Variants in CADM2 observed in about 807,000 individuals in gnomAD.
The protein encoded by CADM2 is cell adhesion molecule 2.
A neutral mutation model predicts 49.8 loss-of-function variants in CADM2; 12 were observed. That is an observed-to-expected ratio of 0.24 (90% CI 0.15 to 0.39). CADM2 has a LOEUF of 0.39. Among genes scored for constraint, CADM2 ranks in the 10% least tolerant of loss-of-function variants. The probability of loss-of-function intolerance (pLI) is 1.00; values close to 1 mark genes in which losing one functional copy is unlikely to be tolerated. For synonymous variants in CADM2, 214 were observed against 175.4 expected, an observed-to-expected ratio of 1.22 and a Z score of -1.74; for missense variants, 378 against 492.3, an observed-to-expected ratio of 0.77 and a Z score of 2.20.
At chr3:85,316,162 G>T (rs2044459746) in intron 1 of CADM2, among the ~76,000 whole-genome samples, 1 of 152,076 alleles carries the variant, frequency 6.6e-6, no homozygotes. Context: ...AATCTCTCTG[G>T]AAGTCAGTTT....
intron 8 of CADM2, chr3:85,994,439 T>C (rs1045017747): frequency 3.3e-5 from 5 of 152,202 alleles, no homozygotes; most frequent in African/African-American, 1.2e-4. Context: ...ATATCAGCAA[T>C]AAGGCTGTTT....
chr3:85,652,834 A>G lies in CADM2; in HGVS notation c.62-73688A>G, dbSNP rs145291095. Among the ~76,000 whole-genome samples the G allele has an allele frequency of 3.6e-4, 42 of 117,776 alleles. No individual in the cohort carries two copies. In the East Asian group the frequency reaches 0.011, roughly 31 times the overall value. 77.3% of individuals were successfully genotyped at this position (117,776 alleles called of 152,430 possible). A position where few individuals can be genotyped will look rare whatever the true frequency, so the allele number is the denominator to read the frequency against. On this transcript the variant is annotated intron_variant, in intron 1 of 9. Coordinates refer to ENST00000383699, the MANE Select transcript of CADM2 (RefSeq NM_001167675.2). Reference sequence around the variant, plus strand: ...GCTCTGTTGCCCAAGCTGGAGTGCAATGACATGATCTCGGTTCACTGTAAC... The same window carrying G: ...GCTCTGTTGCCCAAGCTGGAGTGCAGTGACATGATCTCGGTTCACTGTAAC...
intron 1 of CADM2, among the ~76,000 whole-genome samples, chr3:85,105,853 C>G (rs1020144507): frequency 4.6e-5 from 7 of 150,772 alleles, no homozygotes; most frequent in Admixed American, 2.7e-4. Flanking sequence ...AACAAAAAGC[C>G]AAACACCACA....
intron 1 of CADM2, among the ~76,000 whole-genome samples, chr3:85,296,162 T>A: frequency 6.6e-6 from 1 of 152,018 alleles, no homozygotes; most frequent in Admixed American, 6.6e-5. Context: ...TATCAAATTA[T>A]TACTGTATGC....
intron 1 of CADM2, among the ~76,000 whole-genome samples, chr3:85,147,713 A>G (rs185526997): frequency 6.6e-6 from 1 of 152,252 alleles, no homozygotes; most frequent in Admixed American, 6.5e-5. Context: ...ATATCTATCT[A>G]TAAATTTGTT....
At chr3:85,145,594 G>A (rs2039714345) in intron 1 of CADM2, among the ~76,000 whole-genome samples, 1 of 151,858 alleles carries the variant, frequency 6.6e-6, no homozygotes, top group South Asian at 2.1e-4. Context: ...ATAAAGTCCA[G>A]GGACCATAAA....
At chr3:85,927,421 T>C (rs536329879) in intron 6 of CADM2, among the ~76,000 whole-genome samples, 1 of 152,274 alleles carries the variant, frequency 6.6e-6, no homozygotes, top group South Asian at 2.1e-4. Flanking sequence ...GCAATATGAA[T>C]GTCACAATGT....
In CADM2 at chr3:84,984,371, A is replaced by C. The variant is rs1000564548; in HGVS notation, c.61+24703A>C. ...AAGATTAAGCTAAAAAAAAAAAAAA[A>C]AAAAAAAAAAAAAACACTTGAGGCT... On this transcript the variant is annotated intron_variant, in intron 1 of 9. Transcript: ENST00000383699. Among the ~76,000 whole-genome samples, 210 of 143,712 alleles carry C rather than the reference A, an allele frequency of 1.5e-3. 3 individuals carry two copies. The highest frequency in any genetic ancestry group is 2.4e-3 in the Non-Finnish European group (161 of 67,324). 94.3% of individuals were successfully genotyped at this position (143,712 alleles called of 152,430 possible).
At chr3:86,050,830 C>G (rs1737248215) in intron 8 of CADM2, among the ~76,000 whole-genome samples, 1 of 152,162 alleles carries the variant, frequency 6.6e-6, no homozygotes, top group Non-Finnish European at 1.5e-5. Context: ...GGCCCTGGAC[C>G]TGGCCCAGAG....
chr3:86,011,977 TG>T (rs1262072512), intron 8 of CADM2, among the ~76,000 whole-genome samples: 2 of 152,048 alleles, frequency 1.3e-5, no homozygotes, highest in African/African-American at 4.8e-5. Context: ...ATTTTAGTAT[TG>T]GATACTATTA....
intron 1 of CADM2, among the ~76,000 whole-genome samples, chr3:85,259,177 A>C (rs1250439714): frequency 6.6e-6 from 1 of 152,146 alleles, no homozygotes; most frequent in East Asian, 1.9e-4. Context: ...AATAGCAATC[A>C]CAGTACATGG....
intron 1 of CADM2, among the ~76,000 whole-genome samples, chr3:84,975,408 G>A (rs562176472): frequency 1.3e-5 from 2 of 151,272 alleles, no homozygotes; most frequent in South Asian, 2.1e-4. Context: ...AAAATCATCC[G>A]GTGTACTGTA....
chr3:85,043,395 T>A (rs146726321), intron 1 of CADM2, among the ~76,000 whole-genome samples: 1,628 of 152,122 alleles, frequency 0.011, 19 homozygotes, highest in Non-Finnish European at 0.018. Context: ...AACATGTCTG[T>A]TAGGCCGGGT....
At chr3:85,577,147 A>G (rs1321133990) in intron 1 of CADM2, among the ~76,000 whole-genome samples, 1 of 152,122 alleles carries the variant, frequency 6.6e-6, no homozygotes, top group African/African-American at 2.4e-5. Context: ...AGGGTTTTCC[A>G]GTTTACATTG....
intron 1 of CADM2, among the ~76,000 whole-genome samples, chr3:85,652,798 G>A (rs189682571): frequency 2.2e-3 from 23 of 10,288 alleles, no homozygotes; most frequent in African/African-American, 6.5e-4. Flanking sequence ...TTTTTTTTTA[G>A]ACAGAGTCTT....
At chr3:85,239,406 G>A (rs58223718) in intron 1 of CADM2, among the ~76,000 whole-genome samples, 34,415 of 151,548 alleles carry the variant, frequency 0.23, 6,533 homozygotes, top group African/African-American at 0.52. Context: ...CTAAAGAGCT[G>A]TAACATTGTA....
intron 1 of CADM2, among the ~76,000 whole-genome samples, chr3:85,433,316 A>G (rs947794981): frequency 6.6e-6 from 1 of 152,098 alleles, no homozygotes; most frequent in Admixed American, 6.6e-5. Context: ...TTTCATATGT[A>G]TATATTCATT....
At chr3:84,977,426 A>G (rs1490164473) in intron 1 of CADM2, among the ~76,000 whole-genome samples, 4 of 152,018 alleles carry the variant, frequency 2.6e-5, no homozygotes, top group Non-Finnish European at 4.4e-5. Flanking sequence ...TAAAACGATA[A>G]TCTTTGGGGA....
At chr3:85,477,541 T>G (rs182888776) in intron 1 of CADM2, among the ~76,000 whole-genome samples, 296 of 152,008 alleles carry the variant, frequency 1.9e-3, no homozygotes, top group African/African-American at 7.0e-3. Context: ...TTTTCCCTGT[T>G]CTCATACGGC....
Sources: gnomAD v4.1 joint callset for allele counts (sites outside exome capture counted in the v4.1 genomes callset) on GRCh38, gnomAD v4.1.1 for gene constraint, MANE v1.5 for transcripts, NCBI Gene and HGNC (gene_info 2026-07-23, HGNC 2026-07-21) for gene names.